Variants in CCDC42 observed in about 807,000 individuals in gnomAD.
The protein encoded by CCDC42 is coiled-coil domain containing 42, also known as coiled-coil domain-containing protein 42.
CCDC42 carries 38 observed loss-of-function variants against 40.8 expected under a neutral mutation model. The observed-to-expected ratio is 0.93, with a 90% CI of 0.72 to 1.22. The LOEUF is 1.22. Among genes scored for constraint, CCDC42 ranks in the 50% most tolerant of loss-of-function variants. CCDC42 has a pLI of 0.00. For missense variants in CCDC42, 379 were observed against 416.5 expected, an observed-to-expected ratio of 0.91 and a Z score of 0.78; for synonymous variants, 135 against 157.5, an observed-to-expected ratio of 0.86 and a Z score of 1.07.
At chr17:8,741,445 G>A (rs1315483359) in intron 4 of CCDC42, 29 bp downstream of exon 4, 1 of 1,607,592 alleles carries the variant, frequency 6.2e-7, no homozygotes, top group Non-Finnish European at 8.5e-7. Flanking sequence ...GAAGGTGCCA[G>A]GGCCGGCCCC....
At chr17:8,739,715 G>A (rs1030263983) in intron 4 of CCDC42, among the ~76,000 whole-genome samples, 1 of 152,132 alleles carries the variant, frequency 6.6e-6, no homozygotes, top group East Asian at 1.9e-4. Context: ...GCTAGTTTTT[G>A]TATTTTTAGT....
chr17:8,735,258 G>T lies in CCDC42; in HGVS notation c.715-4C>A, dbSNP rs2152142683. On this transcript the variant is annotated splice_polypyrimidine_tract_variant and splice_region_variant and intron_variant, in intron 5 of 6. Transcript: ENST00000293845. The surrounding 1 kb of genome is among the most constrained non-coding windows in gnomAD (Gnocchi z 4.7). Reference sequence around the variant, plus strand: ...GGATGTGCGCCCAGCGAGATTCCTGGAGAGTGGATAAGGACGGGGCATGAG... The same window carrying T: ...GGATGTGCGCCCAGCGAGATTCCTGTAGAGTGGATAAGGACGGGGCATGAG... 2 of 1,614,168 alleles carry T rather than the reference G, an allele frequency of 1.2e-6. No homozygotes were observed. The highest frequency in any genetic ancestry group is 4.5e-5 in the East Asian group (2 of 44,878).
intron 6 of CCDC42, among the ~76,000 whole-genome samples, chr17:8,734,115 A>C (rs574946372): frequency 6.6e-6 from 1 of 152,306 alleles, no homozygotes; most frequent in East Asian, 1.9e-4. Flanking sequence ...CAAGTGCGTC[A>C]AACAATGCCA....
chr17:8,731,361 A>G (rs575050996), intron 6 of CCDC42, among the ~76,000 whole-genome samples: 1 of 152,352 alleles, frequency 6.6e-6, no homozygotes, highest in East Asian at 1.9e-4. Context: ...TCCTCAAAGA[A>G]TTAAAATAGA....
At chr17:8,736,091 A>G (rs746197815) in intron 4 of CCDC42, among the ~76,000 whole-genome samples, 20 of 152,224 alleles carry the variant, frequency 1.3e-4, no homozygotes, top group Admixed American at 7.2e-4. Context: ...ACCAGGAACC[A>G]CTTACAAGCC....
chr17:8,732,029 G>A (rs1373298313), intron 6 of CCDC42, among the ~76,000 whole-genome samples: 6 of 151,882 alleles, frequency 4.0e-5, no homozygotes, highest in Admixed American at 6.6e-5. Context: ...GGCCGGGCGC[G>A]GTGGCTCAAG....
At chr17:8,737,236 C>G (rs1414072334) in intron 4 of CCDC42, among the ~76,000 whole-genome samples, 1 of 152,146 alleles carries the variant, frequency 6.6e-6, no homozygotes, top group Non-Finnish European at 1.5e-5. Flanking sequence ...TACCACAGTT[C>G]AAATAAATGG....
intron 6 of CCDC42, among the ~76,000 whole-genome samples, chr17:8,734,111 C>T (rs556824678): frequency 7.9e-5 from 12 of 152,092 alleles, no homozygotes; most frequent in Non-Finnish European, 1.5e-4. Context: ...TCTGCAAGTG[C>T]GTCAAACAAT....
At chr17:8,734,213 G>T (rs2086596992) in intron 6 of CCDC42, among the ~76,000 whole-genome samples, 1 of 152,152 alleles carries the variant, frequency 6.6e-6, no homozygotes, top group Non-Finnish European at 1.5e-5. Flanking sequence ...AAAAATGAAT[G>T]AATTAAACAA....
At position 8,729,953 on chromosome 17, in the gene CCDC42, A is replaced by G; in HGVS notation, c.*177T>C. ...TAGAGAGAACTTGAGAACAAACTTC[A>G]TATAACATTCACTGTTTTCAGGGAT... On this transcript the variant is annotated 3_prime_UTR_variant, in exon 7 of 7. Coordinates refer to ENST00000293845, the MANE Select transcript of CCDC42 (RefSeq NM_144681.3). 1 of 606,552 alleles carries G rather than the reference A, an allele frequency of 1.6e-6. No homozygotes were observed. The allele number at this position is 606,552 out of a possible 1,614,324, so 37.6% of individuals were successfully genotyped here.
chr17:8,736,609 C>T (rs904715266), intron 4 of CCDC42, among the ~76,000 whole-genome samples: 1 of 152,230 alleles, frequency 6.6e-6, no homozygotes, highest in African/African-American at 2.4e-5. Context: ...GTGATGGATG[C>T]GTGTCCTGGG....
At chr17:8,743,252 G>A (rs1156521222) in intron 3 of CCDC42, among the ~76,000 whole-genome samples, 1 of 152,208 alleles carries the variant, frequency 6.6e-6, no homozygotes, top group Admixed American at 6.5e-5. Context: ...ATGGAGGGGT[G>A]GGGTGGGTGG....
chr17:8,730,046 C>T lies in CCDC42; in HGVS notation c.*84G>A, dbSNP rs144742406. 2,360 of 1,288,118 alleles carry T rather than the reference C, an allele frequency of 1.8e-3. 32 individuals are homozygous for T. The highest frequency in any genetic ancestry group is 0.015 in the South Asian group (1,189 of 81,814). 79.8% of individuals were successfully genotyped at this position (1,288,118 alleles called of 1,614,324 possible). ...AGGAAGGCACAGCAGGCATCGGTCC[C>T]GAGCTGGACTGACTGGACCGCAGGC... On this transcript the variant is annotated 3_prime_UTR_variant, in exon 7 of 7. Transcript: ENST00000293845.
Position 8,744,611 on chromosome 17 carries a change from G to T in CCDC42, c.-2C>A, listed in dbSNP as rs2086667264. The stretch of plus-strand genomic sequence containing the variant: ...CTCTTCCATGATGCCCAGACTCATG[G>T]TGGCAGTGACCTCACGGCCCAGGCA... On this transcript the variant is annotated 5_prime_UTR_variant, in exon 1 of 7. Transcript: ENST00000293845. The T allele has an allele frequency of 1.9e-6, 3 of 1,610,898 alleles. No individual in the cohort carries two copies. Among genetic ancestry groups the T allele is most frequent in the Admixed American group, 1.7e-5 (1 of 60,004 alleles).
intron 4 of CCDC42, among the ~76,000 whole-genome samples, chr17:8,739,497 T>C (rs548093410): frequency 3.9e-5 from 6 of 152,308 alleles, no homozygotes; most frequent in African/African-American, 9.6e-5. Context: ...TTCTAAGATA[T>C]ATATTTTCCC....
At chr17:8,741,760 C>T (rs1030883546) in intron 3 of CCDC42, 89 bp from the exon 4 acceptor site, 13 of 1,295,338 alleles carry the variant, frequency 1.0e-5, no homozygotes, top group Non-Finnish European at 1.4e-5. Context: ...TGCCCTCAGA[C>T]CCCTCTGTCT....
At chr17:8,734,985 T>G in intron 6 of CCDC42, 111 bp downstream of exon 6, 4 of 1,182,972 alleles carry the variant, frequency 3.4e-6, no homozygotes, top group Non-Finnish European at 4.8e-6. Flanking sequence ...TTGTTAAATT[T>G]TGAGAGTCCC....
chr17:8,741,701 G>C (rs749163131), intron 3 of CCDC42, 30 bp from the exon 4 acceptor site: 1 of 1,602,356 alleles, frequency 6.2e-7, no homozygotes, highest in African/African-American at 1.3e-5. Flanking sequence ...CGCTGGTCAG[G>C]AAGCCTCGCC....
chr17:8,737,090 AAAAG>A (rs1387132344), intron 4 of CCDC42, among the ~76,000 whole-genome samples: 3 of 152,210 alleles, frequency 2.0e-5, no homozygotes, highest in South Asian at 2.1e-4. Context: ...GAAAAAGAAA[AAAAG>A]AAAAGCAAGC....
Sources: gnomAD v4.1 joint callset for allele counts (sites outside exome capture counted in the v4.1 genomes callset) on GRCh38, gnomAD v4.1.1 for gene constraint, Gnocchi (gnomAD v3.1) non-coding constraint, MANE v1.5 for transcripts, NCBI Gene and HGNC (gene_info 2026-07-23, HGNC 2026-07-21) for gene names.